The following TMCC2 variants were observed in gnomAD, a reference collection of about 807,000 sequenced individuals.
The protein encoded by TMCC2 is transmembrane and coiled-coil domains protein 2.
A neutral mutation model predicts 49.4 loss-of-function variants in TMCC2; 16 were observed. The observed-to-expected ratio is 0.32, with a 90% CI of 0.22 to 0.49. The LOEUF (loss-of-function observed/expected upper bound fraction) is 0.49, where lower values mean the gene tolerates loss of function less well. TMCC2 is among the 20% of genes least tolerant of loss of function. The pLI, the probability that TMCC2 is intolerant of heterozygous loss-of-function variation, is 0.99. For missense variants in TMCC2, 762 were observed against 989.8 expected (o/e 0.77, Z 3.09); for synonymous variants, 397 against 434.1 (o/e 0.91, Z 1.06).
At chr1:205,257,160 T>C (rs1172113) in intron 2 of TMCC2, 469,480 of 1,232,424 alleles carry the variant, frequency 0.38, 93,492 homozygotes, top group Non-Finnish European at 0.41. Flanking sequence ...GGAAATCTCC[T>C]AGAGCAATCC....
intron 2 of TMCC2, chr1:205,268,206 G>A (rs1661425987): frequency 5.0e-6 from 2 of 403,242 alleles, no homozygotes; most frequent in Non-Finnish European, 6.7e-6. Context: ...CAAGGCAGGA[G>A]CCTTATGAAG....
chr1:205,230,169 G>C lies in TMCC2; in HGVS notation c.207+1398G>C, dbSNP rs150997016. The C allele has an allele frequency of 8.1e-6, 8 of 985,568 alleles. No homozygotes were observed. The East Asian group carries it at 7.9e-4, about 98-fold the overall frequency. The allele number at this position is 985,568 out of a possible 1,614,324, so 61.1% of individuals were successfully genotyped here. On this transcript the variant is annotated intron_variant, in intron 1 of 4. Coordinates refer to ENST00000358024, the MANE Select transcript of TMCC2 (RefSeq NM_014858.4). The stretch of plus-strand genomic sequence containing the variant: ...CTCAGAGTCAGGAAGTCAGAGCGCA[G>C]GTGAGTGTGTGTGCTCTTACCTGTG...
intron 1 of TMCC2, among the ~76,000 whole-genome samples, chr1:205,239,560 A>AT (rs1207890415): frequency 6.6e-6 from 1 of 152,150 alleles, no homozygotes; most frequent in Non-Finnish European, 1.5e-5. Flanking sequence ...GGTAGCCTTA[A>AT]TTTCCTCTTC....
chr1:205,254,567 C>T (rs1660788953), intron 2 of TMCC2, among the ~76,000 whole-genome samples: 1 of 152,216 alleles, frequency 6.6e-6, no homozygotes, highest in Non-Finnish European at 1.5e-5. Flanking sequence ...TTCTTGTTTG[C>T]TACTTTTCTC....
rs548433004 is a variant in TMCC2, at chr1:205,249,391, G to C, written c.747+7347G>C. 9.6e-4 allele frequency among the ~76,000 whole-genome samples: 147 copies of C among 152,356 alleles called. 2 individuals carry two copies. The highest frequency in any genetic ancestry group is 3.3e-3 in the African/African-American group (139 of 41,570). ...CCCCCCAACCCCTGGCTCTTGCCAA[G>C]AAGACAGATCTTGGCAGCTGCCCAG... On this transcript the variant is annotated intron_variant, in intron 2 of 4. Coordinates refer to ENST00000358024, the MANE Select transcript of TMCC2 (RefSeq NM_014858.4).
intron 2 of TMCC2, among the ~76,000 whole-genome samples, chr1:205,243,194 G>T (rs1047089012): frequency 6.6e-6 from 1 of 152,152 alleles, no homozygotes; most frequent in African/African-American, 2.4e-5. Context: ...GATCACTCTG[G>T]CCTACATGGT....
intron 2 of TMCC2, among the ~76,000 whole-genome samples, chr1:205,255,905 T>G (rs913284771): frequency 2.6e-5 from 4 of 152,208 alleles, no homozygotes; most frequent in Admixed American, 6.5e-5. Context: ...CCAGAAGTGT[T>G]CCCTGGCCCT....
chr1:205,268,916 T>C (rs1352235894), intron 2 of TMCC2, 34 bp from the exon 3 acceptor site: 1 of 1,602,466 alleles, frequency 6.2e-7, no homozygotes, highest in Admixed American at 1.7e-5. Context: ...TCCCAGGGTT[T>C]ACCCATGCTT....
Position 205,271,186 on chromosome 1 carries a change from G to A in TMCC2, c.1749G>A (p.Leu583=). ...TELHQNEMTN[L]KQELASMEEK... is the part of the protein sequence containing the mutation. The stretch of plus-strand genomic sequence containing the variant: ...TTCATCAGAACGAGATGACGAACCT[G>A]AAGCAGGAGCTGGCCAGCATGGAGG... Residue 583 remains leucine, a synonymous_variant, in exon 4 of 5, where the codon CTG becomes CTA. Transcript: ENST00000358024. 1.2e-6 allele frequency: 2 copies of A among 1,614,130 alleles called. No homozygotes were observed. Among genetic ancestry groups the A allele is most frequent in the Non-Finnish European group, 1.7e-6 (2 of 1,180,050 alleles).
In TMCC2 at chr1:205,242,061, G is replaced by C; in HGVS notation, c.747+17G>C. On this transcript the variant is annotated intron_variant, in intron 2 of 4. Coordinates refer to ENST00000358024, the MANE Select transcript of TMCC2 (RefSeq NM_014858.4). ...GGGGACAAGGTGAGATGGGCCTTCT[G>C]GGGCAGGGGGAGACTCAGAGGCAAG... The C allele has an allele frequency of 1.9e-6, 3 of 1,553,724 alleles. No individual in the cohort carries two copies. The highest frequency in any genetic ancestry group is 2.6e-6 in the Non-Finnish European group (3 of 1,149,648).
At chr1:205,230,996 A>ACCCCCCCCCC (rs1201079316) in intron 1 of TMCC2, among the ~76,000 whole-genome samples, 2 of 2,884 alleles carry the variant, frequency 6.9e-4, no homozygotes, top group Admixed American at 3.5e-3. Flanking sequence ...CCATCCCCCC[A>ACCCCCCCCCC]TCCCCCCCCC....
intron 2 of TMCC2, among the ~76,000 whole-genome samples, chr1:205,254,788 C>T (rs747347217): frequency 2.0e-5 from 3 of 152,158 alleles, no homozygotes; most frequent in East Asian, 1.9e-4. Context: ...CTCCTGATCC[C>T]GGGAAGCACA....
intron 1 of TMCC2, among the ~76,000 whole-genome samples, chr1:205,233,446 C>T (rs889215618): frequency 3.3e-5 from 5 of 152,114 alleles, no homozygotes; most frequent in African/African-American, 4.8e-5. Context: ...AAAGATAATT[C>T]GAAGCCAGAT....
At chr1:205,233,185 A>T (rs1659878600) in intron 1 of TMCC2, among the ~76,000 whole-genome samples, 1 of 152,066 alleles carries the variant, frequency 6.6e-6, no homozygotes. Context: ...GTGTCTGGGG[A>T]TGCTGGCCAT....
intron 2 of TMCC2, among the ~76,000 whole-genome samples, chr1:205,258,372 A>G (rs1660963500): frequency 6.6e-6 from 1 of 152,124 alleles, no homozygotes; most frequent in Admixed American, 6.5e-5. Flanking sequence ...CCTTGTGCCC[A>G]TGGTGAACTG....
chr1:205,259,193 C>CT (rs11344770), intron 2 of TMCC2, among the ~76,000 whole-genome samples: 10,174 of 148,492 alleles, frequency 0.069, 426 homozygotes, highest in Middle Eastern at 0.14. Context: ...TTTTCTTTGT[C>CT]TTTTTTTTTT....
chr1:205,229,548 G>GGA, intron 1 of TMCC2: 1 of 380,112 alleles, frequency 2.6e-6, no homozygotes, highest in Non-Finnish European at 3.3e-6. Context: ...GAAGGGGCGG[G>GGA]GGGGGGGGGG....
intron 1 of TMCC2, among the ~76,000 whole-genome samples, chr1:205,240,189 G>T (rs1660211732): frequency 2.0e-5 from 3 of 152,210 alleles, no homozygotes; most frequent in African/African-American, 7.2e-5. Flanking sequence ...CAGCTCCAAA[G>T]CTCTCATAGA....
chr1:205,270,708 G>A (rs1321196634), intron 3 of TMCC2, among the ~76,000 whole-genome samples: 1 of 152,128 alleles, frequency 6.6e-6, no homozygotes, highest in Non-Finnish European at 1.5e-5. Flanking sequence ...ACACCCATGT[G>A]TCCCTGGTAC....
Sources: allele counts gnomAD v4.1 joint callset (sites outside exome capture counted in the v4.1 genomes callset), GRCh38; gene constraint gnomAD v4.1.1; transcripts MANE v1.5; gene names NCBI Gene and HGNC (gene_info 2026-07-23, HGNC 2026-07-21).